The following CNOT2 variants were observed in gnomAD, a reference collection of about 807,000 sequenced individuals.
CNOT2 encodes the protein CC chemokine receptor 4-negative regulator of transcription 2.
Under a neutral mutation model 72.1 loss-of-function variants are expected in CNOT2, and 7 were observed. That is an observed-to-expected ratio of 0.10 (90% CI 0.06 to 0.18). CNOT2 has a LOEUF of 0.18. Ranked by LOEUF, CNOT2 falls within the 10% of genes least tolerant of loss-of-function variation. The probability of loss-of-function intolerance (pLI) is 1.00; values close to 1 mark genes in which losing one functional copy is unlikely to be tolerated. For missense variants in CNOT2, 345 were observed against 660.3 expected (o/e 0.52, Z 5.23); for synonymous variants, 196 against 225.6 (o/e 0.87, Z 1.17).
intron 2 of CNOT2, among the ~76,000 whole-genome samples, chr12:70,292,303 G>A (rs886733622): frequency 6.6e-6 from 1 of 152,190 alleles, no homozygotes; most frequent in African/African-American, 2.4e-5. Flanking sequence ...ACATTCTGCA[G>A]TGTGTATGAT....
rs1883189745 is a variant in CNOT2, at chr12:70,353,934, A to AAAAAAG, written c.*23_*24insAGAAAA. On this transcript the variant is annotated 3_prime_UTR_variant, in exon 16 of 16. Transcript: ENST00000229195. ...CTTCTAAAAAAAAAAAAAAAAAAAA[A>AAAAAAG]AAAAGACTTCCCTTTTCTTGGGGTA... 6.3e-7 allele frequency: 1 copy of AAAAAAG among 1,580,296 alleles called. No homozygotes were observed. The highest frequency in any genetic ancestry group is 8.5e-7 in the Non-Finnish European group (1 of 1,170,280).
chr12:70,304,486 G>C (rs1341670864), intron 2 of CNOT2, among the ~76,000 whole-genome samples: 1 of 152,216 alleles, frequency 6.6e-6, no homozygotes, highest in Non-Finnish European at 1.5e-5. Flanking sequence ...CTGTTTGCCT[G>C]GGTATCAGCA....
At chr12:70,278,719 C>T (rs1869296446) in intron 2 of CNOT2, among the ~76,000 whole-genome samples, 1 of 152,074 alleles carries the variant, frequency 6.6e-6, no homozygotes, top group African/African-American at 2.4e-5. Context: ...ATGAGAAACC[C>T]AGGGTGCTTA....
At position 70,312,359 on chromosome 12, in the gene CNOT2, CT is replaced by C. The variant is rs1645922218; in HGVS notation, c.171+1344del. The stretch of plus-strand genomic sequence containing the variant: ...GATTATATAATGAAAGTTAAGTTTG[CT>C]TGGAAAATGTTAATGAAATATTTAT... On this transcript the variant is annotated intron_variant, in intron 3 of 15. Transcript: ENST00000229195. 2.6e-5 allele frequency among the ~76,000 whole-genome samples: 4 copies of C among 151,878 alleles called. 1 individual carries two copies. The South Asian group carries it at 8.3e-4, about 32-fold the overall frequency.
At chr12:70,304,828 C>G (rs1057253975) in intron 2 of CNOT2, among the ~76,000 whole-genome samples, 2 of 152,210 alleles carry the variant, frequency 1.3e-5, no homozygotes, top group East Asian at 1.9e-4. Context: ...CCACCCAGTT[C>G]GAGCTTCCTG....
chr12:70,325,357 G>A (rs898238618), intron 4 of CNOT2, among the ~76,000 whole-genome samples: 7 of 151,776 alleles, frequency 4.6e-5, no homozygotes, highest in Non-Finnish European at 1.0e-4. Flanking sequence ...TGCCATGATT[G>A]CCCAAAATCA....
At chr12:70,254,884 G>A (rs1043993814) in intron 1 of CNOT2, among the ~76,000 whole-genome samples, 13 of 151,678 alleles carry the variant, frequency 8.6e-5, no homozygotes, top group Non-Finnish European at 1.6e-4. Context: ...GGGAGGCTGT[G>A]GCAGGAGAAT....
chr12:70,328,165 T>A (rs1879374081), intron 4 of CNOT2, among the ~76,000 whole-genome samples: 1 of 151,918 alleles, frequency 6.6e-6, no homozygotes, highest in South Asian at 2.1e-4. Context: ...TGAATTAGAT[T>A]GATTGGATTA....
intron 1 of CNOT2, among the ~76,000 whole-genome samples, chr12:70,273,819 TA>T (rs1193907490): frequency 1.3e-5 from 2 of 152,130 alleles, no homozygotes; most frequent in African/African-American, 4.8e-5. Flanking sequence ...ATCAGATGTG[TA>T]GAATCCTCCT....
Position 70,335,538 on chromosome 12 carries a change from C to T in CNOT2, c.750C>T (p.Asn250=). 6.2e-7 allele frequency: 1 copy of T among 1,610,524 alleles called. No homozygotes were observed. The highest frequency in any genetic ancestry group is 8.5e-7 in the Non-Finnish European group (1 of 1,177,150). Residue 250 remains asparagine (N), a synonymous_variant, in exon 8 of 16, where the codon AAC becomes AAT. Coordinates refer to ENST00000229195, the MANE Select transcript of CNOT2 (RefSeq NM_014515.7). ...GTGGTAACCCAACTCCATTAATAAA[C>T]CCCTTGGCTGGAAGAGCTCCTTATG... ...EGSGNPTPLI[N]PLAGRAPYVG...
rs889463708 is a variant in CNOT2 at position 70,257,536 on chromosome 12, AT to A, written c.-96+14067del. 7.1e-3 allele frequency among the ~76,000 whole-genome samples: 1,008 copies of A among 141,532 alleles called. 10 individuals carry two copies. Among genetic ancestry groups the A allele is most frequent in the African/African-American group, 0.024 (913 of 38,636 alleles). 92.9% of individuals were successfully genotyped at this position (141,532 alleles called of 152,430 possible). On this transcript the variant is annotated intron_variant, in intron 1 of 15. Coordinates refer to ENST00000229195, the MANE Select transcript of CNOT2 (RefSeq NM_014515.7). ...CCACTGTGCCCGGCTATTTTTTTGT[AT>A]TTTTTTTTTTAAGTAGAGATGGGGT...
intron 6 of CNOT2, 100 bp from the exon 7 acceptor site, chr12:70,332,665 ATT>A: frequency 7.4e-7 from 1 of 1,356,302 alleles, no homozygotes; most frequent in Non-Finnish European, 9.5e-7. Flanking sequence ...TTTGAAACAT[ATT>A]GTTATTTTAT....
At chr12:70,308,558 T>G (rs572477159) in intron 2 of CNOT2, among the ~76,000 whole-genome samples, 1,456 of 72,062 alleles carry the variant, frequency 0.02, 15 homozygotes, top group Non-Finnish European at 0.035. Flanking sequence ...GTATATTTTC[T>G]CTCTCTCTCT....
At chr12:70,262,984 T>G (rs1958853224) in intron 1 of CNOT2, among the ~76,000 whole-genome samples, 1 of 152,226 alleles carries the variant, frequency 6.6e-6, no homozygotes, top group African/African-American at 2.4e-5. Flanking sequence ...ATTTTGCCTT[T>G]TTTGAAGGAT....
intron 13 of CNOT2, 64 bp from the exon 14 acceptor site, chr12:70,344,064 C>G (rs904138919): frequency 5.6e-6 from 6 of 1,066,478 alleles, no homozygotes; most frequent in Non-Finnish European, 8.2e-6. Flanking sequence ...TTAGTAGTAG[C>G]AACTATATAT....
chr12:70,262,017 G>A (rs1188744569), intron 1 of CNOT2, among the ~76,000 whole-genome samples: 2 of 151,770 alleles, frequency 1.3e-5, no homozygotes, highest in African/African-American at 2.4e-5. Flanking sequence ...ATTTCTTTAC[G>A]ATCCTTGTTA....
intron 2 of CNOT2, among the ~76,000 whole-genome samples, chr12:70,300,088 T>G (rs893420425): frequency 3.3e-5 from 5 of 152,322 alleles, no homozygotes; most frequent in Admixed American, 6.5e-5. Flanking sequence ...TCTTGTAAAT[T>G]TGTTGGAGTT....
At chr12:70,343,610 G>A (rs74101499) in intron 13 of CNOT2, among the ~76,000 whole-genome samples, 11,249 of 152,158 alleles carry the variant, frequency 0.074, 538 homozygotes, top group East Asian at 0.16. Flanking sequence ...TTTATAAGCC[G>A]TCTATATATT....
chr12:70,299,255 G>T (rs1220826080), intron 2 of CNOT2, among the ~76,000 whole-genome samples: 64 of 152,022 alleles, frequency 4.2e-4, no homozygotes, highest in African/African-American at 1.4e-3. Flanking sequence ...TAAGTTTTAA[G>T]GTACATGTGC....
Sources: allele counts gnomAD v4.1 joint callset (sites outside exome capture counted in the v4.1 genomes callset), GRCh38; gene constraint gnomAD v4.1.1; transcripts MANE v1.5; gene names NCBI Gene and HGNC (gene_info 2026-07-23, HGNC 2026-07-21).